Variants in DPF3 observed in about 807,000 individuals in gnomAD.
The protein encoded by DPF3 is zinc finger protein DPF3.
In DPF3, 18 loss-of-function variants were observed where a neutral mutation model predicts 56.8. The ratio of observed to expected loss-of-function variants is 0.32; its 90% CI spans 0.22 to 0.47. DPF3 has a LOEUF of 0.47. Ranked by LOEUF, DPF3 falls within the 20% of genes least tolerant of loss-of-function variation. The pLI is 1.00. For synonymous variants in DPF3, 188 were observed against 180.2 expected (o/e 1.04, Z -0.35); for missense variants, 403 against 488.8 (o/e 0.82, Z 1.65).
intron 1 of DPF3, among the ~76,000 whole-genome samples, chr14:72,834,446 G>A (rs369317461): frequency 1.4e-4 from 21 of 145,450 alleles, no homozygotes; most frequent in African/African-American, 4.4e-4. Context: ...GCAGTGAGCC[G>A]AGATCGTGCC....
chr14:72,765,776 T>C (rs1399967060), intron 2 of DPF3, among the ~76,000 whole-genome samples: 1 of 152,086 alleles, frequency 6.6e-6, no homozygotes, highest in East Asian at 1.9e-4. Flanking sequence ...TGAAACCCCA[T>C]CTCTACTAAA....
intron 1 of DPF3, among the ~76,000 whole-genome samples, chr14:72,835,398 C>T (rs373664499): frequency 6.6e-6 from 1 of 152,108 alleles, no homozygotes; most frequent in Admixed American, 6.5e-5. Context: ...GAAAATGTTC[C>T]GGCATCAGAT....
intron 1 of DPF3, among the ~76,000 whole-genome samples, chr14:72,821,131 C>T (rs944724176): frequency 3.2e-5 from 4 of 123,174 alleles, no homozygotes; most frequent in African/African-American, 8.1e-5. Flanking sequence ...GAAACTCTAT[C>T]TCAAAAAAAA....
intron 1 of DPF3, among the ~76,000 whole-genome samples, chr14:72,788,461 G>A (rs1381617909): frequency 1.3e-5 from 2 of 152,180 alleles, no homozygotes; most frequent in Admixed American, 6.5e-5. Flanking sequence ...ACTGTGGGTG[G>A]AGGGAGAGCA....
intron 6 of DPF3, among the ~76,000 whole-genome samples, chr14:72,699,286 G>A (rs533467742): frequency 3.9e-4 from 59 of 152,208 alleles, no homozygotes; most frequent in Admixed American, 1.3e-3. Flanking sequence ...TTGGGAGGCT[G>A]AGGCAGGAGG....
At chr14:72,734,635 A>G (rs1027116674) in intron 3 of DPF3, among the ~76,000 whole-genome samples, 1 of 152,216 alleles carries the variant, frequency 6.6e-6, no homozygotes, top group Non-Finnish European at 1.5e-5. Context: ...CCAGAATGGT[A>G]CAGCATTTTA....
In DPF3 at chr14:72,619,923, G is replaced by A. The variant is rs553474073; in HGVS notation, c.1046C>T (p.Pro349Leu). 9.8e-6 allele frequency: 15 copies of A among 1,533,162 alleles called. No individual in the cohort carries two copies. Among genetic ancestry groups the A allele is most frequent in the African/African-American group, 1.4e-5 (1 of 72,920 alleles). 95.0% of individuals were successfully genotyped at this position (1,533,162 alleles called of 1,614,324 possible). A position where few individuals can be genotyped will look rare whatever the true frequency, so the allele number is the denominator to read the frequency against. Residue 349 changes from proline to leucine, a missense_variant, in exon 10 of 11, where the codon CCG becomes CTG. Coordinates refer to ENST00000556509, the MANE Select transcript of DPF3 (RefSeq NM_001280542.3). ...ATTACCTTCTGGGGGCTCAGCCACC[G>A]GGGGATTTAAACAGTACATGTGATA... ...RGYHMYCLNP[P>L]VAEPPEGSWS...
At chr14:72,845,035 T>C (rs1490483038) in intron 1 of DPF3, among the ~76,000 whole-genome samples, 1 of 152,126 alleles carries the variant, frequency 6.6e-6, no homozygotes, top group Non-Finnish European at 1.5e-5. Flanking sequence ...AGCCCAGGAA[T>C]TGGAGGCTGC....
At chr14:72,743,923 T>C (rs1157453719) in intron 3 of DPF3, among the ~76,000 whole-genome samples, 1 of 152,234 alleles carries the variant, frequency 6.6e-6, no homozygotes, top group Non-Finnish European at 1.5e-5. Flanking sequence ...CTGAACTCAA[T>C]TGTCAGTCAC....
intron 1 of DPF3, among the ~76,000 whole-genome samples, chr14:72,797,900 A>T (rs780604557): frequency 6.6e-6 from 1 of 152,126 alleles, no homozygotes; most frequent in African/African-American, 2.4e-5. Context: ...TGTCAACCTC[A>T]CAGGGTTGTT....
intron 8 of DPF3, among the ~76,000 whole-genome samples, chr14:72,673,145 C>G (rs930320339): frequency 1.3e-5 from 2 of 152,130 alleles, no homozygotes; most frequent in South Asian, 2.1e-4. Context: ...GCCTTAAGCC[C>G]TAAACAGCCC....
chr14:72,729,159 A>G (rs150824766), intron 4 of DPF3, among the ~76,000 whole-genome samples: 77 of 152,306 alleles, frequency 5.1e-4, no homozygotes, highest in African/African-American at 1.7e-3. Flanking sequence ...GAGACAGGAG[A>G]ATCACTTGAA....
At chr14:72,694,025 G>A (rs1263731580) in intron 6 of DPF3, among the ~76,000 whole-genome samples, 1 of 152,174 alleles carries the variant, frequency 6.6e-6, no homozygotes, top group African/African-American at 2.4e-5. Context: ...CCTCTCAAAT[G>A]GGGCAGTTTG....
chr14:72,792,292 G>A (rs1331488192), intron 1 of DPF3, among the ~76,000 whole-genome samples: 9 of 152,324 alleles, frequency 5.9e-5, no homozygotes, highest in East Asian at 1.9e-4. Flanking sequence ...GCCTCCTGCC[G>A]CTGGACCTGG....
intron 1 of DPF3, among the ~76,000 whole-genome samples, chr14:72,787,547 T>TAC (rs1168026837): frequency 1.3e-5 from 2 of 152,080 alleles, no homozygotes; most frequent in African/African-American, 4.8e-5. Context: ...CATAGAAAGG[T>TAC]TTACTAGTGT....
chr14:72,668,290 G>C (rs1473703927), intron 8 of DPF3, among the ~76,000 whole-genome samples: 2 of 151,962 alleles, frequency 1.3e-5, no homozygotes, highest in Non-Finnish European at 2.9e-5. Context: ...AACCTCTCTG[G>C]GTCAACTTTT....
intron 8 of DPF3, among the ~76,000 whole-genome samples, chr14:72,642,678 C>T (rs957432049): frequency 6.6e-6 from 1 of 152,194 alleles, no homozygotes; most frequent in African/African-American, 2.4e-5. Flanking sequence ...TGCCGTCTTC[C>T]CCTCAGGCCT....
chr14:72,831,718 G>A (rs2140053129), intron 1 of DPF3, among the ~76,000 whole-genome samples: 1 of 152,322 alleles, frequency 6.6e-6, no homozygotes, highest in South Asian at 2.1e-4. Flanking sequence ...ATACCAAGAA[G>A]TGGAAGGTGT....
intron 8 of DPF3, among the ~76,000 whole-genome samples, chr14:72,640,046 TAAAAAAAAAAAAAAAAAAAAAAAA>T (rs370070354): frequency 2.2e-5 from 1 of 45,268 alleles, no homozygotes; most frequent in South Asian, 1.0e-3. Context: ...GTTTTCTAAG[TAAAAAAAAAAAAAAAAAAAAAAAA>T]AAAAAAAAAA....
Sources: allele counts gnomAD v4.1 joint callset (sites outside exome capture counted in the v4.1 genomes callset), GRCh38; gene constraint gnomAD v4.1.1; transcripts MANE v1.5; gene names NCBI Gene and HGNC (gene_info 2026-07-23, HGNC 2026-07-21).